TFPI: variants seen among roughly 807,000 people sequenced by gnomAD.
TFPI encodes tissue factor pathway inhibitor.
TFPI carries 15 observed loss-of-function variants against 34.6 expected under a neutral mutation model. The ratio of observed to expected loss-of-function variants is 0.43; its 90% CI spans 0.29 to 0.67. TFPI has a LOEUF of 0.67. Ranked by LOEUF, TFPI falls within the 30% of genes least tolerant of loss-of-function variation. TFPI has a pLI of 0.15. For synonymous variants in TFPI, 105 were observed against 120.1 expected, an observed-to-expected ratio of 0.87 and a Z score of 0.82; for missense variants, 301 against 364.0, an observed-to-expected ratio of 0.83 and a Z score of 1.41.
intron 1 of TFPI, among the ~76,000 whole-genome samples, chr2:187,509,469 T>G (rs867772576): frequency 3.3e-5 from 5 of 152,218 alleles, no homozygotes; most frequent in Admixed American, 6.5e-5. Context: ...ACTGCCTCAA[T>G]TTCAGAACTT....
At chr2:187,477,547 C>T (rs1406735358) in intron 6 of TFPI, among the ~76,000 whole-genome samples, 4 of 152,032 alleles carry the variant, frequency 2.6e-5, no homozygotes, top group East Asian at 1.9e-4. Flanking sequence ...ACTCTTTAGC[C>T]GGTGAGGGAG....
Position 187,496,917 on chromosome 2 carries a change from CA to C in TFPI, c.282del (p.Phe94LeufsTer20). Reference protein sequence around the residue: ...YGGCEGNQNRFESLEECKKMC... With the variant: ...YGGCEGNQNRXESLEECKKMC... ...ATTTTTTTGCACTCTTCCAGACTTT[CA>C]AATCGATTCTGATTTCCTTCACATC... On this transcript the variant is annotated frameshift_variant, in exon 3 of 8. Coordinates refer to ENST00000233156, the MANE Select transcript of TFPI (RefSeq NM_006287.6). LOFTEE classifies it high-confidence loss of function. 6.2e-7 allele frequency: 1 copy of C among 1,613,192 alleles called. No homozygotes were observed. The highest frequency in any genetic ancestry group is 1.1e-5 in the South Asian group (1 of 91,058).
intron 3 of TFPI, among the ~76,000 whole-genome samples, chr2:187,491,394 C>A (rs560180784): frequency 1.4e-4 from 21 of 151,786 alleles, no homozygotes; most frequent in Non-Finnish European, 2.5e-4. Context: ...TTCTACTATG[C>A]CCACATGTAT....
At chr2:187,511,147 C>T (rs1686601281) in intron 1 of TFPI, among the ~76,000 whole-genome samples, 1 of 152,186 alleles carries the variant, frequency 6.6e-6, no homozygotes, top group South Asian at 2.1e-4. Context: ...CAGGCCCCCG[C>T]AGAGGGTCAA....
chr2:187,498,841 A>C (rs1203388858), intron 2 of TFPI, among the ~76,000 whole-genome samples: 2 of 151,964 alleles, frequency 1.3e-5, no homozygotes, highest in Non-Finnish European at 2.9e-5. Context: ...ACCAAACACA[A>C]TTGTCATAAA....
At chr2:187,497,310 G>A (rs1685551493) in intron 2 of TFPI, among the ~76,000 whole-genome samples, 2 of 151,930 alleles carry the variant, frequency 1.3e-5, no homozygotes, top group Admixed American at 1.3e-4. Flanking sequence ...CGTACCAACC[G>A]AACTGGGAGG....
At chr2:187,496,768 C>G in intron 3 of TFPI, 113 bp downstream of exon 3, 1 of 950,488 alleles carries the variant, frequency 1.1e-6, no homozygotes, top group Non-Finnish European at 1.5e-6. Flanking sequence ...ATAAAAGATT[C>G]CTTGGAAATA....
chr2:187,549,459 C>A (rs886077121), intron 1 of TFPI, among the ~76,000 whole-genome samples: 2 of 152,030 alleles, frequency 1.3e-5, no homozygotes, highest in Admixed American at 6.6e-5. Context: ...GTGGGAAGTA[C>A]CTGTTGAACA....
chr2:187,506,300 G>C (rs1686215101), intron 1 of TFPI, among the ~76,000 whole-genome samples: 4 of 151,818 alleles, frequency 2.6e-5, no homozygotes, highest in Admixed American at 2.6e-4. Context: ...CTTTCTAATA[G>C]AAACATCTTC....
At chr2:187,519,946 G>A (rs915839644) in intron 1 of TFPI, 3 of 152,342 alleles carry the variant, frequency 2.0e-5, no homozygotes, top group African/African-American at 7.2e-5. Context: ...TGTTTACACT[G>A]TGAGGGGAAA....
intron 1 of TFPI, among the ~76,000 whole-genome samples, chr2:187,526,223 G>T (rs1687669417): frequency 6.6e-6 from 1 of 152,062 alleles, no homozygotes; most frequent in Non-Finnish European, 1.5e-5. Flanking sequence ...GCACTGATTT[G>T]GAAAGAGTTT....
intron 1 of TFPI, among the ~76,000 whole-genome samples, chr2:187,531,931 T>G (rs866088652): frequency 1.4e-4 from 22 of 152,292 alleles, no homozygotes; most frequent in South Asian, 2.1e-4. Flanking sequence ...TTAAAATTTT[T>G]TTTTCAAAAT....
intron 6 of TFPI, among the ~76,000 whole-genome samples, chr2:187,478,247 C>T (rs1692517772): frequency 6.6e-6 from 1 of 152,090 alleles, no homozygotes; most frequent in Admixed American, 6.6e-5. Flanking sequence ...GTAATCCCAG[C>T]TACTCGGGAG....
At chr2:187,532,707 G>A (rs958756274) in intron 1 of TFPI, among the ~76,000 whole-genome samples, 3 of 152,076 alleles carry the variant, frequency 2.0e-5, no homozygotes, top group Non-Finnish European at 2.9e-5. Context: ...TACCCCAGTG[G>A]CGTCTGGAAT....
chr2:187,478,879 TGGG>T, intron 6 of TFPI: 1 of 1,255,530 alleles, frequency 8.0e-7, no homozygotes, highest in Non-Finnish European at 1.1e-6. Flanking sequence ...ATGCTGAGGG[TGGG>T]GGAAGTCTAT....
intron 6 of TFPI, chr2:187,483,832 C>T (rs749074591): frequency 5.7e-6 from 2 of 350,726 alleles, no homozygotes; most frequent in African/African-American, 2.2e-5. Flanking sequence ...ATTCCTAGCA[C>T]CATTTTACAA....
At chr2:187,507,400 C>T (rs1335868615) in intron 1 of TFPI, among the ~76,000 whole-genome samples, 1 of 151,608 alleles carries the variant, frequency 6.6e-6, no homozygotes, top group African/African-American at 2.4e-5. Context: ...ATGATTTATA[C>T]TGGGTCAAAC....
chr2:187,523,667 A>G (rs1024832182), intron 1 of TFPI, among the ~76,000 whole-genome samples: 1 of 152,242 alleles, frequency 6.6e-6, no homozygotes, highest in African/African-American at 2.4e-5. Flanking sequence ...ACACATATCC[A>G]CAGAATAGTT....
intron 1 of TFPI, among the ~76,000 whole-genome samples, chr2:187,511,492 C>A (rs1300927584): frequency 6.6e-6 from 1 of 152,036 alleles, no homozygotes; most frequent in Non-Finnish European, 1.5e-5. Context: ...AAGCATGGGT[C>A]AGGCACAAAG....
Sources: allele counts gnomAD v4.1 joint callset (sites outside exome capture counted in the v4.1 genomes callset), GRCh38; gene constraint gnomAD v4.1.1; transcripts MANE v1.5; gene names NCBI Gene and HGNC (gene_info 2026-07-23, HGNC 2026-07-21).